DCC: variants seen among roughly 807,000 people sequenced by gnomAD.
DCC encodes the protein netrin receptor DCC.
Under a neutral mutation model 172.5 loss-of-function variants are expected in DCC, and 58 were observed. The ratio of observed to expected loss-of-function variants is 0.34; its 90% confidence interval spans 0.27 to 0.42. The LOEUF (loss-of-function observed/expected upper bound fraction) is 0.42. Among genes scored for constraint, DCC ranks in the 10% least tolerant of loss-of-function variants. The probability of loss-of-function intolerance (pLI) is 1.00; values close to 1 mark genes in which losing one functional copy is unlikely to be tolerated. For missense variants in DCC, 1,740 were observed against 1,791.0 expected, an observed-to-expected ratio of 0.97 and a Z score of 0.51; for synonymous variants, 709 against 644.5, an observed-to-expected ratio of 1.10 and a Z score of -1.52.
intron 5 of DCC, among the ~76,000 whole-genome samples, chr18:52,957,039 AGAC>A (rs2040756290): frequency 6.6e-6 from 1 of 152,176 alleles, no homozygotes; most frequent in African/African-American, 2.4e-5. Context: ...TGAGTACAGC[AGAC>A]AATTCTCTCA....
At chr18:53,126,959 G>A (rs1392236199) in intron 7 of DCC, among the ~76,000 whole-genome samples, 2 of 152,054 alleles carry the variant, frequency 1.3e-5, no homozygotes, top group Non-Finnish European at 2.9e-5. Context: ...TGCAATTTAA[G>A]GACACAAGAG....
At chr18:52,392,292 C>G (rs1299073909) in intron 1 of DCC, among the ~76,000 whole-genome samples, 2 of 152,074 alleles carry the variant, frequency 1.3e-5, no homozygotes, top group Non-Finnish European at 2.9e-5. Context: ...AATCCTCTAT[C>G]TGTGCCGAAG....
At chr18:52,483,417 G>A (rs1324312793) in intron 1 of DCC, among the ~76,000 whole-genome samples, 1 of 151,702 alleles carries the variant, frequency 6.6e-6, no homozygotes, top group East Asian at 1.9e-4. Flanking sequence ...AATTTACCTT[G>A]CACTTTTTTA....
chr18:53,489,983 T>C (rs1437861792), intron 26 of DCC, among the ~76,000 whole-genome samples: 2 of 152,108 alleles, frequency 1.3e-5, no homozygotes, highest in African/African-American at 2.4e-5. Context: ...CAGTACAAAA[T>C]TGGTGCCCCC....
intron 1 of DCC, among the ~76,000 whole-genome samples, chr18:52,621,531 C>T (rs1382080002): frequency 6.6e-6 from 1 of 152,202 alleles, no homozygotes; most frequent in Non-Finnish European, 1.5e-5. Context: ...CTCTGATGTG[C>T]TTTCTGTGCT....
chr18:52,952,627 C>T (rs567240144), intron 5 of DCC, among the ~76,000 whole-genome samples: 13 of 152,210 alleles, frequency 8.5e-5, no homozygotes, highest in Admixed American at 7.8e-4. Flanking sequence ...TTTTGTAGTG[C>T]TTAGTGTCAT....
At chr18:52,938,805 A>C (rs1375184691) in intron 5 of DCC, among the ~76,000 whole-genome samples, 3 of 152,064 alleles carry the variant, frequency 2.0e-5, no homozygotes, top group Non-Finnish European at 4.4e-5. Flanking sequence ...ATAACAGTTC[A>C]ATCTCCAAAA....
At chr18:53,007,162 C>T (rs532929361) in intron 5 of DCC, among the ~76,000 whole-genome samples, 1 of 152,230 alleles carries the variant, frequency 6.6e-6, no homozygotes, top group Non-Finnish European at 1.5e-5. Flanking sequence ...TGCATCTGGC[C>T]TTATTGGACT....
At chr18:53,055,065 C>T (rs1169159260) in intron 5 of DCC, among the ~76,000 whole-genome samples, 3 of 152,012 alleles carry the variant, frequency 2.0e-5, no homozygotes, top group African/African-American at 4.8e-5. Context: ...GACTGATTGC[C>T]AAGGGATTTG....
chr18:53,195,931 T>C (rs564167919), intron 9 of DCC, among the ~76,000 whole-genome samples: 8 of 152,318 alleles, frequency 5.3e-5, no homozygotes, highest in African/African-American at 1.9e-4. Flanking sequence ...CTAAGTTCCT[T>C]GAAAATTTCT....
At chr18:53,522,208 T>G (rs1274220106) in intron 27 of DCC, among the ~76,000 whole-genome samples, 1 of 152,064 alleles carries the variant, frequency 6.6e-6, no homozygotes, top group African/African-American at 2.4e-5. Context: ...CCAAGGTTTT[T>G]AGTGGCTGCC....
chr18:53,385,313 T>C (rs918522006), intron 15 of DCC, among the ~76,000 whole-genome samples: 2 of 152,094 alleles, frequency 1.3e-5, no homozygotes, highest in African/African-American at 4.8e-5. Context: ...TAAACAGAGA[T>C]AAAAATTGAC....
intron 1 of DCC, among the ~76,000 whole-genome samples, chr18:52,551,752 A>ACT (rs1387344417): frequency 1.6e-3 from 235 of 148,318 alleles, no homozygotes; most frequent in African/African-American, 5.6e-3. Flanking sequence ...ACACACACAC[A>ACT]CACACACACA....
At chr18:52,536,066 G>C (rs1450112712) in intron 1 of DCC, among the ~76,000 whole-genome samples, 1 of 152,098 alleles carries the variant, frequency 6.6e-6, no homozygotes, top group Non-Finnish European at 1.5e-5. Context: ...GCTGAGATGG[G>C]GTAGGAGAAC....
intron 1 of DCC, among the ~76,000 whole-genome samples, chr18:52,732,469 T>C (rs1278778145): frequency 1.3e-5 from 2 of 152,214 alleles, no homozygotes; most frequent in East Asian, 3.8e-4. Flanking sequence ...ATTGTTTATT[T>C]ACTTTCATTT....
chr18:53,443,456 T>G (rs1348018809), intron 22 of DCC, among the ~76,000 whole-genome samples: 1 of 152,210 alleles, frequency 6.6e-6, no homozygotes, highest in Admixed American at 6.5e-5. Context: ...TTCAAAATAT[T>G]ACTGCACATT....
intron 7 of DCC, among the ~76,000 whole-genome samples, chr18:53,068,240 T>A (rs146625033): frequency 3.9e-4 from 60 of 152,308 alleles, no homozygotes; most frequent in African/African-American, 1.3e-3. Context: ...GGGTCTCTAA[T>A]GTGAGCCACA....
intron 2 of DCC, among the ~76,000 whole-genome samples, chr18:52,789,911 C>A (rs1207536027): frequency 6.6e-6 from 1 of 152,176 alleles, no homozygotes; most frequent in African/African-American, 2.4e-5. Flanking sequence ...AAACTAGCCA[C>A]AAGATCAGGA....
intron 1 of DCC, among the ~76,000 whole-genome samples, chr18:52,374,672 A>G (rs529977815): frequency 2.6e-5 from 4 of 152,326 alleles, no homozygotes; most frequent in African/African-American, 9.6e-5. Flanking sequence ...AAAAAAGAGA[A>G]AATGTACAAT....
Sources: gnomAD v4.1 joint callset for allele counts (sites outside exome capture counted in the v4.1 genomes callset) on GRCh38, gnomAD v4.1.1 for gene constraint, MANE v1.5 for transcripts, NCBI Gene and HGNC (gene_info 2026-07-23, HGNC 2026-07-21) for gene names.